Variants in JAK2 observed in about 807,000 individuals in gnomAD.
JAK2 encodes Janus kinase 2.
Under a neutral mutation model 139.3 loss-of-function variants are expected in JAK2, and 86 were observed. The ratio of observed to expected loss-of-function variants is 0.62; its 90% CI spans 0.52 to 0.74. The LOEUF is 0.74. Ranked by LOEUF, JAK2 falls within the 30% of genes least tolerant of loss-of-function variation. The probability of loss-of-function intolerance (pLI) is 0.00; values close to 1 mark genes in which losing one functional copy is unlikely to be tolerated. For synonymous variants in JAK2, 490 were observed against 437.7 expected, an observed-to-expected ratio of 1.12 and a Z score of -1.49; for missense variants, 1,421 against 1,360.3, an observed-to-expected ratio of 1.04 and a Z score of -0.70.
intron 2 of JAK2, among the ~76,000 whole-genome samples, chr9:4,987,779 C>A (rs575090811): frequency 6.6e-6 from 1 of 151,018 alleles, no homozygotes; most frequent in Non-Finnish European, 1.5e-5. Flanking sequence ...ATATTATTTA[C>A]GACTCTTTTA....
intron 4 of JAK2, among the ~76,000 whole-genome samples, chr9:5,042,124 C>CTT (rs71326152): frequency 0.016 from 1,766 of 107,450 alleles, 10 homozygotes; most frequent in Non-Finnish European, 0.02. Flanking sequence ...GCCAAAATTT[C>CTT]TTTTTTTTTT....
chr9:5,046,261 GTTGT>G (rs952140176), intron 5 of JAK2, among the ~76,000 whole-genome samples: 14 of 152,036 alleles, frequency 9.2e-5, no homozygotes, highest in African/African-American at 1.7e-4. Context: ...TTTAAATCAG[GTTGT>G]TTGTTTGTTG....
At position 5,020,760 on chromosome 9, in the gene JAK2, A is replaced by G. The variant is rs1160733604; in HGVS notation, c.-25-1203A>G. ...GCTGGGAGCAGTGGGGTTATTGCCA[A>G]TGGCTTGTGCTTTGGTCCCAGAGGC... On this transcript the variant is annotated intron_variant, in intron 2 of 24. Transcript: ENST00000381652. Among the ~76,000 whole-genome samples, 9 of 152,102 alleles carry G rather than the reference A, an allele frequency of 5.9e-5. No individual in the cohort carries two copies. The South Asian group carries it at 1.4e-3, about 24-fold the overall frequency.
At chr9:5,085,845 A>T (rs941297473) in intron 19 of JAK2, 18 of 765,910 alleles carry the variant, frequency 2.4e-5, no homozygotes, top group Admixed American at 3.5e-5. Context: ...TTTTACATCA[A>T]AGTAGTACTC....
Position 5,089,725 on chromosome 9 carries a change from A to G in JAK2, c.2623A>G (p.Thr875Ala), listed in dbSNP as rs1470797174. 6.3e-7 allele frequency: 1 copy of G among 1,577,916 alleles called. No individual in the cohort carries two copies. The highest frequency in any genetic ancestry group is 8.6e-7 in the Non-Finnish European group (1 of 1,162,292). ...MCRYDPLQDN[T>A]GEVVAVKKLQ... ...CCGGTATGACCCTCTACAGGACAAC[A>G]CTGGGGAGGTGGTCGCTGTAAAAAA... Residue 875 changes from threonine (T) to alanine (A), a missense_variant, in exon 20 of 25, where the codon ACT becomes GCT. By Grantham distance (58) the Thr-to-Ala change is moderately conservative. Transcript: ENST00000381652.
intron 23 of JAK2, chr9:5,126,090 T>G (rs1166364801): frequency 3.0e-6 from 1 of 331,532 alleles, no homozygotes; most frequent in African/African-American, 2.1e-5. Flanking sequence ...TTAGTTCATG[T>G]GTTTTGAGCC....
rs1819027878 is a variant in JAK2, at chr9:5,072,524, G to T, written c.1674G>T (p.Lys558Asn). The change falls in exon 13 of 25, where the codon AAG (lysine) becomes AAT (asparagine). Residue 558 changes from lysine (K) to asparagine (N), a missense_variant. Physicochemically the swap from Lys to Asn is moderately conservative, Grantham distance 94. Coordinates refer to ENST00000381652, the MANE Select transcript of JAK2 (RefSeq NM_004972.4). ...NESLGQGTFT[K>N]IFKGVRREVG... ...GCCTTGGCCAAGGCACTTTTACAAA[G>T]ATTTTTAAAGGCGTACGAAGAGAAG... 2.5e-6 allele frequency: 4 copies of T among 1,598,342 alleles called. No homozygotes were observed. The highest frequency in any genetic ancestry group is 3.4e-6 in the Non-Finnish European group (4 of 1,171,496).
chr9:5,063,985 G>A (rs1818380810), intron 8 of JAK2, among the ~76,000 whole-genome samples: 1 of 152,102 alleles, frequency 6.6e-6, no homozygotes, highest in Non-Finnish European at 1.5e-5. Context: ...TTGAAACTCT[G>A]TCTCTACTAA....
chr9:4,997,044 T>C (rs1020458934), intron 2 of JAK2, among the ~76,000 whole-genome samples: 2 of 147,362 alleles, frequency 1.4e-5, no homozygotes, highest in East Asian at 4.3e-4. Flanking sequence ...TCCTCCTACC[T>C]CAGCCTCCTG....
intron 2 of JAK2, among the ~76,000 whole-genome samples, chr9:4,992,080 C>T (rs1285623149): frequency 6.6e-6 from 1 of 152,160 alleles, no homozygotes; most frequent in African/African-American, 2.4e-5. Context: ...ACAATGGCTA[C>T]TAGGACATGA....
chr9:5,104,777 C>G (rs1393456404), intron 22 of JAK2, among the ~76,000 whole-genome samples: 2 of 152,154 alleles, frequency 1.3e-5, no homozygotes, highest in Admixed American at 1.3e-4. Flanking sequence ...TAAACGTAAT[C>G]CATAACATAA....
chr9:5,031,024 G>C (rs1343209394), intron 4 of JAK2, among the ~76,000 whole-genome samples: 1 of 152,030 alleles, frequency 6.6e-6, no homozygotes, highest in African/African-American at 2.4e-5. Flanking sequence ...ACCAGGAATG[G>C]TCTTAATAAG....
chr9:4,992,310 G>A (rs1820301459), intron 2 of JAK2, among the ~76,000 whole-genome samples: 1 of 152,150 alleles, frequency 6.6e-6, no homozygotes, highest in African/African-American at 2.4e-5. Flanking sequence ...AAAAGTGAGT[G>A]TGTCTCAGCA....
intron 2 of JAK2, among the ~76,000 whole-genome samples, chr9:4,999,277 T>C (rs1563916189): frequency 6.6e-6 from 1 of 152,222 alleles, no homozygotes; most frequent in East Asian, 1.9e-4. Context: ...TCATCTTAGA[T>C]TTCTTGTTTC....
At chr9:5,004,749 G>A (rs1332527535) in intron 2 of JAK2, among the ~76,000 whole-genome samples, 1 of 151,946 alleles carries the variant, frequency 6.6e-6, no homozygotes, top group Non-Finnish European at 1.5e-5. Context: ...CCCACCAAGA[G>A]TATACAAGAG....
chr9:5,126,862 A>C lies in JAK2; in HGVS notation c.*71A>C. 1 of 824,358 alleles carries C rather than the reference A, an allele frequency of 1.2e-6. No individual in the cohort carries two copies. 51.1% of individuals were successfully genotyped at this position (824,358 alleles called of 1,614,324 possible). Reference sequence around the variant, plus strand: ...AGTTTTATATTTCACATTGCTGTGGACTATTATTACATATATCATTATTAT... The same window carrying C: ...AGTTTTATATTTCACATTGCTGTGGCCTATTATTACATATATCATTATTAT... On this transcript the variant is annotated 3_prime_UTR_variant, in exon 25 of 25. Coordinates refer to ENST00000381652, the MANE Select transcript of JAK2 (RefSeq NM_004972.4).
chr9:5,080,252 G>T lies in JAK2; in HGVS notation c.2155G>T (p.Val719Leu). The change falls in exon 17 of 25, where the codon GTA (valine) becomes TTA (leucine). Residue 719 changes from valine to leucine, a missense_variant. Transcript: ENST00000381652. ...AGTTCTTCAGGAGAGAATACCATGG[G>T]TACCACCTGAATGCATTGAAAATCC... ...KDILQERIPW[V>L]PPECIENPKN... The T allele has an allele frequency of 6.2e-7, 1 of 1,612,530 alleles. No homozygotes were observed.
In JAK2 at chr9:5,054,963, G is replaced by C. The variant is rs1429880557; in HGVS notation, c.936+79G>C. ...AAAAACAAAGTAATTTTAATCATTT[G>C]CAACATGGTATTGCACTTCTCCCAT... is the stretch of plus-strand genomic sequence containing the variant. On this transcript the variant is annotated intron_variant, in intron 7 of 24. Transcript: ENST00000381652. The surrounding 1 kb of genome is among the most constrained non-coding windows in gnomAD (Gnocchi z 4.9). 1 of 1,076,192 alleles carries C rather than the reference G, an allele frequency of 9.3e-7. No individual in the cohort carries two copies. The highest frequency in any genetic ancestry group is 1.6e-5 in the African/African-American group (1 of 62,176). 66.7% of individuals were successfully genotyped at this position (1,076,192 alleles called of 1,614,324 possible). A position where few individuals can be genotyped will look rare whatever the true frequency, so the allele number is the denominator to read the frequency against.
At chr9:5,025,138 A>AT (rs919920757) in intron 3 of JAK2, among the ~76,000 whole-genome samples, 50 of 147,648 alleles carry the variant, frequency 3.4e-4, no homozygotes, top group Non-Finnish European at 4.9e-4. Context: ...GTTTTTACTC[A>AT]TTTTTTTTTT....
Sources: gnomAD v4.1 joint callset for allele counts (sites outside exome capture counted in the v4.1 genomes callset) on GRCh38, gnomAD v4.1.1 for gene constraint, Gnocchi (gnomAD v3.1) non-coding constraint, MANE v1.5 for transcripts, NCBI Gene and HGNC (gene_info 2026-07-23, HGNC 2026-07-21) for gene names.